Variants in IQCM observed in about 807,000 individuals in gnomAD.
IQCM encodes the protein IQ motif containing M.
A neutral mutation model predicts 57.6 loss-of-function variants in IQCM; 45 were observed. The observed-to-expected ratio is 0.78, with a 90% CI of 0.62 to 1.00. The LOEUF is 1.00. Ranked by LOEUF, IQCM falls within the 50% of genes least tolerant of loss-of-function variation. The probability of loss-of-function intolerance (pLI) is 0.00; values close to 1 mark genes in which losing one functional copy is unlikely to be tolerated. For synonymous variants in IQCM, 148 were observed against 158.9 expected, an observed-to-expected ratio of 0.93 and a Z score of 0.51; for missense variants, 468 against 511.6, an observed-to-expected ratio of 0.91 and a Z score of 0.82.
chr4:149,781,518 A>G (rs1193463935), intron 2 of IQCM, among the ~76,000 whole-genome samples: 1 of 152,184 alleles, frequency 6.6e-6, no homozygotes, highest in Non-Finnish European at 1.5e-5. Context: ...ATTTTACTTA[A>G]TAATGGCCCC....
At chr4:149,605,721 T>A (rs1754713506) in intron 8 of IQCM, among the ~76,000 whole-genome samples, 2 of 152,178 alleles carry the variant, frequency 1.3e-5, no homozygotes, top group Non-Finnish European at 2.9e-5. Flanking sequence ...GGCAGTGAAC[T>A]TGGGGTGTAC....
chr4:149,523,453 T>C (rs1745858536), intron 12 of IQCM, among the ~76,000 whole-genome samples: 1 of 151,946 alleles, frequency 6.6e-6, no homozygotes, highest in Non-Finnish European at 1.5e-5. Context: ...ACAAGGACAG[T>C]TCACATGTCA....
At chr4:149,411,532 CT>C in intron 13 of IQCM, among the ~76,000 whole-genome samples, 1 of 152,004 alleles carries the variant, frequency 6.6e-6, no homozygotes. Flanking sequence ...AAATAAATCA[CT>C]TTTCAACTAT....
At chr4:149,551,032 T>C (rs565990532) in intron 11 of IQCM, among the ~76,000 whole-genome samples, 4 of 152,352 alleles carry the variant, frequency 2.6e-5, no homozygotes, top group Admixed American at 2.0e-4. Flanking sequence ...CATAGTCCTC[T>C]GTTCCCAATC....
At chr4:149,493,226 C>G (rs148434012) in intron 12 of IQCM, among the ~76,000 whole-genome samples, 218 of 152,074 alleles carry the variant, frequency 1.4e-3, no homozygotes, top group African/African-American at 5.1e-3. Context: ...ATTTTTCTTG[C>G]CATCTTTAAT....
intron 5 of IQCM, among the ~76,000 whole-genome samples, chr4:149,726,915 T>C (rs886077335): frequency 3.3e-5 from 5 of 151,994 alleles, no homozygotes; most frequent in Non-Finnish European, 4.4e-5. Flanking sequence ...CCATCAAGCC[T>C]GGCTAATTTT....
intron 8 of IQCM, 62 bp downstream of exon 8, chr4:149,621,067 A>G (rs1012938949): frequency 2.8e-6 from 2 of 726,488 alleles, no homozygotes; most frequent in Admixed American, 8.7e-5. Context: ...CATCAAAATT[A>G]ATGCAATAAT....
At chr4:149,427,197 T>C (rs1476849835) in intron 13 of IQCM, among the ~76,000 whole-genome samples, 1 of 152,016 alleles carries the variant, frequency 6.6e-6, no homozygotes, top group Admixed American at 6.6e-5. Flanking sequence ...TTGCTTTATA[T>C]CTGCTAGAAT....
intron 7 of IQCM, among the ~76,000 whole-genome samples, chr4:149,677,527 C>A (rs1761852237): frequency 6.6e-6 from 1 of 151,698 alleles, no homozygotes; most frequent in African/African-American, 2.4e-5. Context: ...CAAATATATC[C>A]AATAAAAAAA....
At chr4:149,703,676 A>AGAG (rs1381627820) in intron 5 of IQCM, among the ~76,000 whole-genome samples, 1 of 151,982 alleles carries the variant, frequency 6.6e-6, no homozygotes, top group Non-Finnish European at 1.5e-5. Flanking sequence ...AGCCATCAAT[A>AGAG]AAATTAGAGA....
chr4:149,722,152 C>T (rs1187342964), intron 5 of IQCM, among the ~76,000 whole-genome samples: 1 of 151,742 alleles, frequency 6.6e-6, no homozygotes, highest in Admixed American at 6.6e-5. Flanking sequence ...TTGGTCTTCT[C>T]CTTGCTGATT....
At chr4:149,587,892 G>A (rs879738850) in intron 9 of IQCM, 38 bp downstream of exon 9, 6 of 929,120 alleles carry the variant, frequency 6.5e-6, no homozygotes, top group Non-Finnish European at 8.4e-6. Flanking sequence ...AAAAATGAGT[G>A]CATTAATTTA....
At chr4:149,600,040 A>C (rs1256578717) in intron 8 of IQCM, among the ~76,000 whole-genome samples, 1 of 152,154 alleles carries the variant, frequency 6.6e-6, no homozygotes, top group Non-Finnish European at 1.5e-5. Flanking sequence ...GAGCCCCCTG[A>C]GTAGTTAATT....
chr4:149,391,086 TA>T (rs1344933983), intron 13 of IQCM, among the ~76,000 whole-genome samples: 1 of 151,974 alleles, frequency 6.6e-6, no homozygotes, highest in Admixed American at 6.6e-5. Flanking sequence ...AATTCTTCTT[TA>T]AATGTCTGAT....
intron 6 of IQCM, among the ~76,000 whole-genome samples, chr4:149,684,712 A>C (rs1162474943): frequency 1.3e-5 from 2 of 151,436 alleles, no homozygotes; most frequent in Non-Finnish European, 3.0e-5. Flanking sequence ...CTATTTGTCT[A>C]GTTAAGCACA....
chr4:149,581,584 C>T (rs988928516), intron 9 of IQCM, among the ~76,000 whole-genome samples: 1 of 151,452 alleles, frequency 6.6e-6, no homozygotes, highest in Non-Finnish European at 1.5e-5. Flanking sequence ...GTCTCTTTTT[C>T]AGAACTCGAA....
intron 12 of IQCM, among the ~76,000 whole-genome samples, chr4:149,499,977 GA>G (rs1208969687): frequency 6.6e-6 from 1 of 152,164 alleles, no homozygotes; most frequent in Non-Finnish European, 1.5e-5. Context: ...TCCATTGTAA[GA>G]ATACATAGGT....
intron 2 of IQCM, among the ~76,000 whole-genome samples, chr4:149,776,652 T>G (rs551541121): frequency 1.1e-4 from 16 of 152,220 alleles, no homozygotes; most frequent in African/African-American, 3.9e-4. Context: ...ATTAATAAAA[T>G]GAAACATTTT....
At chr4:149,560,530 T>G (rs1450633188) in intron 10 of IQCM, among the ~76,000 whole-genome samples, 1 of 152,188 alleles carries the variant, frequency 6.6e-6, no homozygotes, top group Non-Finnish European at 1.5e-5. Context: ...GTTTTGTGTC[T>G]TTATAATTTT....
Sources: gnomAD v4.1 joint callset for allele counts (sites outside exome capture counted in the v4.1 genomes callset) on GRCh38, gnomAD v4.1.1 for gene constraint, MANE v1.5 for transcripts, NCBI Gene and HGNC (gene_info 2026-07-23, HGNC 2026-07-21) for gene names.